The following OCA2 variants were observed in gnomAD, a reference collection of about 807,000 sequenced individuals.
The protein encoded by OCA2 is OCA2 melanosomal transmembrane protein.
In OCA2, 77 loss-of-function variants were observed where a neutral mutation model predicts 100.2. That is an observed-to-expected ratio of 0.77 (90% CI 0.64 to 0.93). The LOEUF (loss-of-function observed/expected upper bound fraction) is 0.93, where lower values mean the gene tolerates loss of function less well. OCA2 is among the 40% of genes least tolerant of loss of function. The pLI is 0.00. For synonymous variants in OCA2, 432 were observed against 439.2 expected, an observed-to-expected ratio of 0.98 and a Z score of 0.21; for missense variants, 1,062 against 1,089.1, an observed-to-expected ratio of 0.98 and a Z score of 0.35.
At chr15:27,729,638 G>T in the OCA2 span, among the ~76,000 whole-genome samples, 4 of 152,228 alleles carry the variant, frequency 2.6e-5, no homozygotes, top group African/African-American at 9.6e-5. Context: ...AGCAACTGGA[G>T]CATCACAGCC....
chr15:27,865,103 T>C (rs947649824), intron 21 of OCA2, among the ~76,000 whole-genome samples: 1 of 151,946 alleles, frequency 6.6e-6, no homozygotes, highest in African/African-American at 2.4e-5. Context: ...AACGCAAATG[T>C]AGCAGAAACA....
In OCA2 at chr15:27,862,218, C is replaced by T. The variant is rs1212362448; in HGVS notation, c.2244+8936G>A. Among the ~76,000 whole-genome samples, 9 of 53,482 alleles carry T rather than the reference C, an allele frequency of 1.7e-4. No homozygotes were observed. The South Asian group carries it at 5.4e-3, about 32-fold the overall frequency. 35.1% of individuals were successfully genotyped at this position (53,482 alleles called of 152,430 possible). A position where few individuals can be genotyped will look rare whatever the true frequency, so the allele number is the denominator to read the frequency against. On this transcript the variant is annotated intron_variant, in intron 21 of 23. Transcript: ENST00000354638. The stretch of plus-strand genomic sequence containing the variant: ...CATGGTCGTCAGCCTCGAGTCCTCA[C>T]GGACAGAAAGCATGGTCGTCAGCCT...
chr15:27,741,231 C>T, the OCA2 span, among the ~76,000 whole-genome samples: 1 of 152,196 alleles, frequency 6.6e-6, no homozygotes, highest in Admixed American at 6.5e-5. Context: ...ATCCCTTACA[C>T]ACATAGAAGA....
chr15:27,958,542 A>C (rs2040307400), intron 15 of OCA2, among the ~76,000 whole-genome samples: 1 of 152,198 alleles, frequency 6.6e-6, no homozygotes, highest in African/African-American at 2.4e-5. Flanking sequence ...AGAGAGGTAG[A>C]TGACTTGATG....
intron 23 of OCA2, among the ~76,000 whole-genome samples, chr15:27,811,612 A>G (rs528114440): frequency 1.7e-4 from 26 of 152,354 alleles, no homozygotes; most frequent in East Asian, 1.9e-4. Flanking sequence ...CAATCAAGAA[A>G]AGAAAATGGC....
chr15:27,786,863 A>G (rs2032841021), intron 23 of OCA2, among the ~76,000 whole-genome samples: 1 of 152,164 alleles, frequency 6.6e-6, no homozygotes, highest in Admixed American at 6.5e-5. Context: ...GCAAGTTTCA[A>G]TCCGAGGGAA....
chr15:27,989,429 T>C (rs1288893784), intron 11 of OCA2, among the ~76,000 whole-genome samples, 172 bp downstream of exon 11: 1 of 152,114 alleles, frequency 6.6e-6, no homozygotes, highest in Non-Finnish European at 1.5e-5. Context: ...CCACGAACCA[T>C]AGCCCCATTC....
At chr15:27,977,382 A>C (rs946379002) in intron 14 of OCA2, among the ~76,000 whole-genome samples, 8 of 152,136 alleles carry the variant, frequency 5.3e-5, no homozygotes, top group African/African-American at 1.9e-4. Context: ...CCTTCTAAAT[A>C]CTGCTTTAGA....
At chr15:27,770,812 T>TCCTCCCTTCCATTCTTCCTTCCTC (rs2031703391) in intron 23 of OCA2, among the ~76,000 whole-genome samples, 1 of 109,764 alleles carries the variant, frequency 9.1e-6, no homozygotes, top group Non-Finnish European at 1.8e-5. Context: ...TTTCCTTCCT[T>TCCTCCCTTCCATTCTTCCTTCCTC]CCTCCCTTCC....
intron 14 of OCA2, among the ~76,000 whole-genome samples, chr15:27,981,318 T>C (rs1169396467): frequency 6.6e-6 from 1 of 152,232 alleles, no homozygotes; most frequent in South Asian, 2.1e-4. Flanking sequence ...TCAAATGGTT[T>C]GTATCATCGC....
intron 23 of OCA2, among the ~76,000 whole-genome samples, chr15:27,769,713 C>T (rs543602097): frequency 1.7e-4 from 26 of 152,362 alleles, no homozygotes; most frequent in African/African-American, 5.3e-4. Context: ...GGCTGTCGCC[C>T]TTCTACAAAG....
intron 19 of OCA2, among the ~76,000 whole-genome samples, chr15:27,888,117 G>A (rs1196453515): frequency 6.6e-6 from 1 of 152,118 alleles, no homozygotes; most frequent in African/African-American, 2.4e-5. Context: ...CTGCAGACCT[G>A]AAACTCCTCT....
chr15:28,096,902 G>A (rs918897056), intron 1 of OCA2, among the ~76,000 whole-genome samples: 3 of 151,948 alleles, frequency 2.0e-5, no homozygotes, highest in African/African-American at 7.3e-5. Context: ...AACGAGCAGC[G>A]CCAGCAAACG....
At chr15:27,992,142 C>T (rs1233047175) in intron 9 of OCA2, among the ~76,000 whole-genome samples, 1 of 151,678 alleles carries the variant, frequency 6.6e-6, no homozygotes. Flanking sequence ...ACTCCGTTGC[C>T]GAGGCTGGAG....
intron 19 of OCA2, among the ~76,000 whole-genome samples, chr15:27,874,040 A>G (rs2036690268): frequency 6.6e-6 from 1 of 152,224 alleles, no homozygotes; most frequent in Non-Finnish European, 1.5e-5. Flanking sequence ...TTCAGCAATG[A>G]CCTGACATCC....
chr15:27,830,728 T>C (rs2034916803), intron 23 of OCA2, among the ~76,000 whole-genome samples: 1 of 152,154 alleles, frequency 6.6e-6, no homozygotes. Flanking sequence ...TTCAAGTCAT[T>C]TCATAGCAAA....
the OCA2 span, among the ~76,000 whole-genome samples, chr15:27,729,572 T>C: frequency 1.3e-5 from 2 of 152,178 alleles, no homozygotes; most frequent in African/African-American, 4.8e-5. Context: ...TGGCTTTCCT[T>C]CCTGTTTGAA....
At chr15:28,066,141 T>C (rs72712698) in intron 2 of OCA2, among the ~76,000 whole-genome samples, 8,589 of 152,320 alleles carry the variant, frequency 0.056, 321 homozygotes, top group Middle Eastern at 0.1. Context: ...TGTAAATTGA[T>C]GTTTTACAAC....
At chr15:27,779,264 T>C (rs2032409855) in intron 23 of OCA2, among the ~76,000 whole-genome samples, 1 of 152,204 alleles carries the variant, frequency 6.6e-6, no homozygotes, top group Non-Finnish European at 1.5e-5. Flanking sequence ...TCTGGATGTG[T>C]CTGCTAGGTC....
Sources: allele counts gnomAD v4.1 joint callset (sites outside exome capture counted in the v4.1 genomes callset), GRCh38; gene constraint gnomAD v4.1.1; transcripts MANE v1.5; gene names NCBI Gene and HGNC (gene_info 2026-07-23, HGNC 2026-07-21).